Variants in RBM47 observed in about 807,000 individuals in gnomAD.
The protein encoded by RBM47 is RNA binding motif protein 47.
Under a neutral mutation model 47.1 loss-of-function variants are expected in RBM47, and 21 were observed. That is an observed-to-expected ratio of 0.45 (90% CI 0.32 to 0.64). The LOEUF is 0.64. Among genes scored for constraint, RBM47 ranks in the 30% least tolerant of loss-of-function variants. The pLI, the probability that RBM47 is intolerant of heterozygous loss-of-function variation, is 0.05. For synonymous variants in RBM47, 375 were observed against 361.7 expected (o/e 1.04, Z -0.42); for missense variants, 708 against 870.9 (o/e 0.81, Z 2.35).
In RBM47 at chr4:40,598,240, CTTTA is replaced by C. The variant is rs968591434; in HGVS notation, c.-240+31152_-240+31155del. On this transcript the variant is annotated intron_variant, in intron 1 of 6. Transcript: ENST00000295971. ...TTTACCATTGACCCCAATCACAGAA[CTTTA>C]TTTATTTATTTATTTATTTTGAGAT... is the stretch of plus-strand genomic sequence containing the variant. Among the ~76,000 whole-genome samples, 4 of 152,030 alleles carry C rather than the reference CTTTA, an allele frequency of 2.6e-5. No homozygotes were observed. In the South Asian group the frequency reaches 6.2e-4, roughly 24 times the overall value.
intron 1 of RBM47, among the ~76,000 whole-genome samples, chr4:40,604,264 T>G (rs1735544939): frequency 6.6e-6 from 1 of 152,112 alleles, no homozygotes; most frequent in Non-Finnish European, 1.5e-5. Context: ...AGAGAAGTTA[T>G]TTGAGCTGGT....
At chr4:40,481,471 ATTATTATTATTATTATTTTTATTT>A (rs1720392126) in intron 2 of RBM47, among the ~76,000 whole-genome samples, 1 of 127,146 alleles carries the variant, frequency 7.9e-6, no homozygotes, top group East Asian at 2.4e-4. Flanking sequence ...TATTATTATT[ATTATTATTATTATTATTTTTATTT>A]TTATTTTTGA....
chr4:40,439,919 C>T (rs1713363995), intron 3 of RBM47, among the ~76,000 whole-genome samples: 1 of 152,090 alleles, frequency 6.6e-6, no homozygotes, highest in South Asian at 2.1e-4. Context: ...TGTCACTTGC[C>T]ACATGTGGCT....
intron 1 of RBM47, among the ~76,000 whole-genome samples, chr4:40,570,547 T>A (rs1731609328): frequency 6.6e-6 from 1 of 151,994 alleles, no homozygotes; most frequent in African/African-American, 2.4e-5. Flanking sequence ...CTGTGCTGGC[T>A]CACCCGCTGC....
chr4:40,628,364 A>T lies in RBM47; in HGVS notation c.-240+1032T>A, dbSNP rs1191137822. ...AATTAATAGCAACACAAACTCCCAC[A>T]AAGTGATCTCTTCTTATGCTCTAGG... On this transcript the variant is annotated intron_variant, in intron 1 of 6. Coordinates refer to ENST00000295971, the MANE Select transcript of RBM47 (RefSeq NM_001098634.2). This position sits in a 1 kb window ranked among gnomAD's most constrained non-coding sequence, Gnocchi z 4.0. Among the ~76,000 whole-genome samples, 1 of 152,228 alleles carries T rather than the reference A, an allele frequency of 6.6e-6. No homozygotes were observed. The highest frequency in any genetic ancestry group is 1.5e-5 in the Non-Finnish European group (1 of 68,052).
intron 5 of RBM47, among the ~76,000 whole-genome samples, chr4:40,435,670 C>G (rs1045321330): frequency 6.6e-6 from 1 of 152,166 alleles, no homozygotes; most frequent in African/African-American, 2.4e-5. Context: ...CCAAACAACT[C>G]TCAGAATGGG....
intron 1 of RBM47, among the ~76,000 whole-genome samples, chr4:40,545,712 A>C (rs1728983746): frequency 6.6e-6 from 1 of 151,954 alleles, no homozygotes; most frequent in South Asian, 2.1e-4. Flanking sequence ...TAAAAGAGAA[A>C]GAGAGGGAGA....
rs372937917 is a variant in RBM47 at position 40,569,610 on chromosome 4, C to T, written c.-239-25104G>A. Among the ~76,000 whole-genome samples the T allele has an allele frequency of 2.8e-4, 42 of 151,764 alleles. 1 individual carries two copies. The highest frequency in any genetic ancestry group is 4.1e-4 in the South Asian group (2 of 4,822). On this transcript the variant is annotated intron_variant, in intron 1 of 6. Coordinates refer to ENST00000295971, the MANE Select transcript of RBM47 (RefSeq NM_001098634.2). ...ATTTTTAGTAAAGATGGGGTTTTAC[C>T]GTGTTAGCCAGGACGGTCTCTATCT...
chr4:40,463,160 G>A (rs1002633369), intron 3 of RBM47, among the ~76,000 whole-genome samples: 4 of 152,110 alleles, frequency 2.6e-5, no homozygotes, highest in Admixed American at 6.6e-5. Flanking sequence ...TTCCAAGGAA[G>A]ATATACATTA....
intron 1 of RBM47, among the ~76,000 whole-genome samples, chr4:40,578,479 G>C (rs927101012): frequency 2.6e-5 from 4 of 152,112 alleles, no homozygotes; most frequent in Non-Finnish European, 4.4e-5. Context: ...TGACACATAG[G>C]ATTTTCCTCC....
At chr4:40,501,618 C>T (rs1723378539) in intron 2 of RBM47, among the ~76,000 whole-genome samples, 1 of 152,188 alleles carries the variant, frequency 6.6e-6, no homozygotes. Context: ...GCACTGCATG[C>T]AGCTATGGGC....
chr4:40,432,836 A>G lies in RBM47; in HGVS notation c.1357T>C (p.Tyr453His), dbSNP rs1191943172. 1 of 1,613,348 alleles carries G rather than the reference A, an allele frequency of 6.2e-7. No homozygotes were observed. Among genetic ancestry groups the G allele is most frequent in the Non-Finnish European group, 8.5e-7 (1 of 1,179,898 alleles). ...GCTGGAGCTGCTGGAAACATGGAATACTGAGCCCCAATGGCAGGGATGGCT... is the reference window on the plus strand; with the variant it reads ...GCTGGAGCTGCTGGAAACATGGAATGCTGAGCCCCAATGGCAGGGATGGCT... ...TVAIPAIGAQYSMFPAAPAPK... is the reference protein window; with the variant it reads ...TVAIPAIGAQHSMFPAAPAPK... Residue 453 changes from tyrosine to histidine, a missense_variant, in exon 6 of 7, where the codon TAT becomes CAT. Physicochemically the swap from Tyr to His is moderately conservative, Grantham distance 83 (BLOSUM62 2). Transcript: ENST00000295971.
chr4:40,498,974 G>A (rs1008616057), intron 2 of RBM47, among the ~76,000 whole-genome samples: 15 of 152,010 alleles, frequency 9.9e-5, no homozygotes, highest in Admixed American at 3.9e-4. Context: ...GAACCTGGGA[G>A]GCAGAGGTTG....
At chr4:40,624,937 C>G (rs1398993073) in intron 1 of RBM47, among the ~76,000 whole-genome samples, 5 of 129,586 alleles carry the variant, frequency 3.9e-5, no homozygotes, top group African/African-American at 6.0e-5. Context: ...GCAACCTCTG[C>G]CTCCTGGGTT....
chr4:40,569,465 A>C (rs1731473906), intron 1 of RBM47, among the ~76,000 whole-genome samples: 1 of 148,296 alleles, frequency 6.7e-6, no homozygotes, highest in Non-Finnish European at 1.5e-5. Context: ...GCTGGAGTGC[A>C]GTGGTGCGAT....
intron 1 of RBM47, among the ~76,000 whole-genome samples, chr4:40,607,871 G>A (rs921806745): frequency 4.6e-5 from 7 of 152,176 alleles, no homozygotes; most frequent in Admixed American, 3.3e-4. Context: ...TTGGGAGGTT[G>A]AGGCGGAAAG....
intron 1 of RBM47, among the ~76,000 whole-genome samples, chr4:40,574,250 T>C (rs540371086): frequency 3.9e-5 from 6 of 152,190 alleles, no homozygotes; most frequent in Admixed American, 1.3e-4. Context: ...ATTTCAGAAA[T>C]AGACTGGGTA....
At chr4:40,437,341 T>A (rs951366172) in intron 4 of RBM47, among the ~76,000 whole-genome samples, 3 of 151,514 alleles carry the variant, frequency 2.0e-5, no homozygotes, top group Non-Finnish European at 4.4e-5. Flanking sequence ...AGAACCTATG[T>A]ATCTTATTTT....
At chr4:40,494,323 C>T (rs532628796) in intron 2 of RBM47, among the ~76,000 whole-genome samples, 9 of 152,278 alleles carry the variant, frequency 5.9e-5, no homozygotes, top group African/African-American at 2.2e-4. Flanking sequence ...CAGACCTTTC[C>T]TGCACTTCTA....
Sources: gnomAD v4.1 joint callset for allele counts (sites outside exome capture counted in the v4.1 genomes callset) on GRCh38, gnomAD v4.1.1 for gene constraint, Gnocchi (gnomAD v3.1) non-coding constraint, MANE v1.5 for transcripts, NCBI Gene and HGNC (gene_info 2026-07-23, HGNC 2026-07-21) for gene names.